Variants in BLTP1 observed in about 807,000 individuals in gnomAD.
The protein encoded by BLTP1 is bridge-like lipid transfer protein family member 1.
the BLTP1 span, chr4:122,235,425 C>A: frequency 9.3e-6 from 9 of 968,686 alleles, no homozygotes; most frequent in African/African-American, 1.4e-4. Flanking sequence ...ATACTGTTGG[C>A]CCCCATGTTA....
chr4:122,289,051 T>C, the BLTP1 span: 17 of 1,583,312 alleles, frequency 1.1e-5, no homozygotes, highest in South Asian at 2.4e-5. Flanking sequence ...AAAGCTAATG[T>C]AATCAGTGTT....
At chr4:122,169,038 C>T in the BLTP1 span, among the ~76,000 whole-genome samples, 1 of 152,128 alleles carries the variant, frequency 6.6e-6, no homozygotes, top group Non-Finnish European at 1.5e-5. Context: ...ACCTTGAACT[C>T]CTAGGCTCAA....
At chr4:122,362,540 CTG>C in the BLTP1 span, 23 of 180,462 alleles carry the variant, frequency 1.3e-4, no homozygotes, top group East Asian at 2.9e-3. Flanking sequence ...TGCAGAATAA[CTG>C]TGAATTTTTT....
the BLTP1 span, chr4:122,198,386 A>T: frequency 2.0e-6 from 2 of 985,382 alleles, no homozygotes; most frequent in South Asian, 9.4e-5. Context: ...GAAAAGCCAT[A>T]CATCTTTTAC....
chr4:122,193,700 A>T, the BLTP1 span: 1 of 913,818 alleles, frequency 1.1e-6, no homozygotes, highest in African/African-American at 1.8e-5. Flanking sequence ...GCTTTTTTGA[A>T]TAGAGAAATA....
chr4:122,286,395 A>C, the BLTP1 span: 8 of 1,403,570 alleles, frequency 5.7e-6, no homozygotes, highest in African/African-American at 1.0e-4. Context: ...ATATTTTATA[A>C]GCAACTTTAA....
the BLTP1 span, chr4:122,336,454 C>G: frequency 1.3e-5 from 10 of 772,124 alleles, no homozygotes; most frequent in African/African-American, 1.8e-5. Flanking sequence ...ATAATATATG[C>G]AATTATAAAT....
At chr4:122,214,179 A>G in the BLTP1 span, 5 of 954,448 alleles carry the variant, frequency 5.2e-6, no homozygotes, top group Non-Finnish European at 6.2e-6. Context: ...TTCTGTTTTG[A>G]GAAATGAGCA....
chr4:122,189,300 A>C, the BLTP1 span: 1 of 980,146 alleles, frequency 1.0e-6, no homozygotes, highest in Non-Finnish European at 1.2e-6. Context: ...GATATGCAAG[A>C]AGATATTGTG....
At chr4:122,152,894 G>C in the BLTP1 span, 2 of 657,092 alleles carry the variant, frequency 3.0e-6, no homozygotes, top group African/African-American at 4.0e-5. Context: ...AGGAAGGACC[G>C]TGCACCCGCA....
At chr4:122,266,777 T>C in the BLTP1 span, 1 of 1,588,422 alleles carries the variant, frequency 6.3e-7, no homozygotes, top group Non-Finnish European at 8.6e-7. Context: ...TGTTTATGTC[T>C]TTTAGGTTGT....
At chr4:122,232,608 A>G in the BLTP1 span, among the ~76,000 whole-genome samples, 43 of 152,178 alleles carry the variant, frequency 2.8e-4, no homozygotes, top group Non-Finnish European at 1.6e-4. Context: ...CTCTGTCTCA[A>G]AAAAAATAAG....
chr4:122,350,334 T>C, the BLTP1 span: 1 of 985,146 alleles, frequency 1.0e-6, no homozygotes, highest in Non-Finnish European at 1.2e-6. Context: ...TTGAATAGTG[T>C]TTATGAGAAT....
the BLTP1 span, chr4:122,269,702 A>G: frequency 1.0e-6 from 1 of 984,498 alleles, no homozygotes; most frequent in Non-Finnish European, 1.2e-6. Context: ...TTCTTGTATG[A>G]ATATGTATAA....
At chr4:122,234,446 T>A in the BLTP1 span, among the ~76,000 whole-genome samples, 1 of 152,170 alleles carries the variant, frequency 6.6e-6, no homozygotes, top group East Asian at 1.9e-4. Context: ...TTTTTGAGAA[T>A]GTTTACTACA....
chr4:122,183,050 G>A, the BLTP1 span: 1 of 984,232 alleles, frequency 1.0e-6, no homozygotes, highest in Non-Finnish European at 1.2e-6. Flanking sequence ...AAGAAAAAAA[G>A]CTGGGTTGGT....
chr4:122,259,984 A>C, the BLTP1 span: 1 of 775,082 alleles, frequency 1.3e-6, no homozygotes, highest in Non-Finnish European at 1.6e-6. Flanking sequence ...AGTAATATAT[A>C]GTCATGCATC....
chr4:122,259,195 T>C, the BLTP1 span, among the ~76,000 whole-genome samples: 1 of 152,156 alleles, frequency 6.6e-6, no homozygotes, highest in Non-Finnish European at 1.5e-5. Context: ...GGTTAGACTG[T>C]TTTATGATTT....
chr4:122,186,721 A>T, the BLTP1 span, among the ~76,000 whole-genome samples: 2 of 152,036 alleles, frequency 1.3e-5, no homozygotes, highest in African/African-American at 4.8e-5. Context: ...TCTACCTACA[A>T]AATTATTCTG....
Sources: gnomAD v4.1 joint callset for allele counts (sites outside exome capture counted in the v4.1 genomes callset) on GRCh38, gnomAD v4.1.1 for gene constraint, MANE v1.5 for transcripts, NCBI Gene and HGNC (gene_info 2026-07-23, HGNC 2026-07-21) for gene names.